The following TIAM2 variants were observed in gnomAD, a reference collection of about 807,000 sequenced individuals.
TIAM2 encodes rho guanine nucleotide exchange factor TIAM2.
In TIAM2, 80 loss-of-function variants were observed where a neutral mutation model predicts 152.9. The ratio of observed to expected loss-of-function variants is 0.52; its 90% CI spans 0.44 to 0.63. The LOEUF is 0.63. Ranked by LOEUF, TIAM2 falls within the 30% of genes least tolerant of loss-of-function variation. The pLI is 0.00. For missense variants in TIAM2, 1,965 were observed against 2,120.1 expected, an observed-to-expected ratio of 0.93 and a Z score of 1.44; for synonymous variants, 804 against 838.0, an observed-to-expected ratio of 0.96 and a Z score of 0.70.
chr6:155,056,571 A>T (rs1463443111), intron 1 of TIAM2, among the ~76,000 whole-genome samples: 1 of 151,754 alleles, frequency 6.6e-6, no homozygotes, highest in Non-Finnish European at 1.5e-5. Flanking sequence ...GTTTTTTTGC[A>T]CTCTGACCAA....
chr6:155,196,300 C>T (rs756438038), intron 14 of TIAM2, among the ~76,000 whole-genome samples: 13 of 152,094 alleles, frequency 8.5e-5, no homozygotes, highest in Non-Finnish European at 1.2e-4. Flanking sequence ...CTTTGGGGAA[C>T]GATGAGGAAT....
At chr6:155,114,214 C>T (rs919835190) in intron 2 of TIAM2, among the ~76,000 whole-genome samples, 2 of 150,702 alleles carry the variant, frequency 1.3e-5, no homozygotes, top group East Asian at 3.9e-4. Flanking sequence ...CCACCACACC[C>T]AGCTAATATT....
chr6:155,086,840 G>A (rs574588589), intron 1 of TIAM2, among the ~76,000 whole-genome samples: 1 of 152,082 alleles, frequency 6.6e-6, no homozygotes, highest in Non-Finnish European at 1.5e-5. Context: ...CGTTGTATTA[G>A]CAATTTGACG....
Position 155,183,426 on chromosome 6 carries a change from G to T in TIAM2, c.2990G>T (p.Ser997Ile). 1 of 1,614,162 alleles carries T rather than the reference G, an allele frequency of 6.2e-7. No homozygotes were observed. Among genetic ancestry groups the T allele is most frequent in the Non-Finnish European group, 8.5e-7 (1 of 1,180,026 alleles). Residue 997 changes from serine to isoleucine, a missense_variant, in exon 14 of 27, where the codon AGT (serine) becomes ATT (isoleucine). Ser to Ile is a moderately radical substitution (Grantham distance 142, BLOSUM62 -2). Transcript: ENST00000682666. ...DSDLFSRDQK[S>I]LLPPPNQSQL... ...GACCTGTTCTCCAGGGACCAGAAGA[G>T]TCTGCTGCCCCCTCCTAACCAGTCC...
At chr6:155,211,363 C>T in intron 15 of TIAM2, 56 bp downstream of exon 15, 1 of 1,456,816 alleles carries the variant, frequency 6.9e-7, no homozygotes, top group South Asian at 1.2e-5. Flanking sequence ...TGTTAGTTCC[C>T]ACCTTTACCT....
At position 155,057,541 on chromosome 6, in the gene TIAM2, C is replaced by CTTTTTTTT. The variant is rs71023613; in HGVS notation, c.-208-32732_-208-32725dup. ...TTACTCTTTTTCTTTCCATAATGTA[C>CTTTTTTTT]TTTTTTTTTTTTTTTTTTTTTTTGA... On this transcript the variant is annotated intron_variant, in intron 1 of 26. Transcript: ENST00000682666. Among the ~76,000 whole-genome samples the CTTTTTTTT allele has an allele frequency of 2.7e-4, 22 of 80,048 alleles. 3 individuals are homozygous for CTTTTTTTT. Among genetic ancestry groups the CTTTTTTTT allele is most frequent in the African/African-American group, 3.9e-4 (7 of 18,096 alleles). 52.5% of individuals were successfully genotyped at this position (80,048 alleles called of 152,430 possible). A position where few individuals can be genotyped will look rare whatever the true frequency, so the allele number is the denominator to read the frequency against.
At chr6:155,119,063 C>G (rs922443434) in intron 2 of TIAM2, among the ~76,000 whole-genome samples, 20 of 150,342 alleles carry the variant, frequency 1.3e-4, no homozygotes, top group African/African-American at 4.9e-4. Context: ...TTGACGGAGT[C>G]TTGCTCTGTT....
rs369646154 is a variant in TIAM2, at chr6:155,129,718, G to A, written c.495G>A (p.Thr165=). 1.6e-5 allele frequency: 26 copies of A among 1,613,974 alleles called. No homozygotes were observed. The highest frequency in any genetic ancestry group is 1.2e-4 in the African/African-American group (9 of 75,048). The part of the protein sequence containing the change: ...DRKSPRVLIK[T]LGKLDGCLRV... ...AGAGCCCCCGAGTGCTCATCAAAACGCTGGGGAAGCTGGATGGGTGTTTAA... is the reference window on the plus strand; with the variant it reads ...AGAGCCCCCGAGTGCTCATCAAAACACTGGGGAAGCTGGATGGGTGTTTAA... Residue 165 remains threonine, a synonymous_variant, in exon 4 of 27, where the codon ACG becomes ACA. Coordinates refer to ENST00000682666, the MANE Select transcript of TIAM2 (RefSeq NM_012454.4). This position sits in a 1 kb window ranked among gnomAD's most constrained non-coding sequence, Gnocchi z 4.8.
At chr6:155,145,758 C>T (rs1486603104) in intron 6 of TIAM2, among the ~76,000 whole-genome samples, 3 of 152,144 alleles carry the variant, frequency 2.0e-5, no homozygotes, top group African/African-American at 7.2e-5. Context: ...CAACAGTGTT[C>T]TCTAGGCTGA....
In TIAM2 at chr6:155,213,197, A is replaced by G. The variant is rs9322504; in HGVS notation, c.3168+1890A>G. ...TAGGCAGGTCCCGAATTCTTGTCCC[A>G]TGACCAGGAAGAAGGAGGTATGCGG... On this transcript the variant is annotated intron_variant, in intron 15 of 26. Transcript: ENST00000682666. The surrounding 1 kb of genome is among the most constrained non-coding windows in gnomAD (Gnocchi z 4.2). 0.21 allele frequency among the ~76,000 whole-genome samples: 31,515 copies of G among 152,088 alleles called. 3,666 individuals are homozygous for G. The highest frequency in any genetic ancestry group is 0.34 in the East Asian group (1,767 of 5,128).
chr6:155,060,779 C>T (rs1777560422), intron 1 of TIAM2, among the ~76,000 whole-genome samples: 1 of 152,166 alleles, frequency 6.6e-6, no homozygotes, highest in African/African-American at 2.4e-5. Context: ...CCTGTTACCC[C>T]AGCTACTTGG....
At chr6:155,161,763 A>G (rs1310357956) in intron 7 of TIAM2, among the ~76,000 whole-genome samples, 1 of 150,830 alleles carries the variant, frequency 6.6e-6, no homozygotes, top group African/African-American at 2.4e-5. Flanking sequence ...TTTTTAGTAG[A>G]GATGGGGTTT....
chr6:155,012,063 C>T (rs1778499075), intron 1 of TIAM2, among the ~76,000 whole-genome samples: 1 of 152,096 alleles, frequency 6.6e-6, no homozygotes, highest in Admixed American at 6.6e-5. Context: ...AAAGCTGATG[C>T]TGTACTGAAT....
chr6:155,179,498 A>T, intron 12 of TIAM2, 42 bp downstream of exon 12: 1 of 1,539,536 alleles, frequency 6.5e-7, no homozygotes, highest in Non-Finnish European at 8.7e-7. Context: ...TGTGTTGTTC[A>T]TCTTTGCCTA....
At chr6:155,163,044 G>C (rs1210563278) in intron 7 of TIAM2, among the ~76,000 whole-genome samples, 4 of 152,298 alleles carry the variant, frequency 2.6e-5, no homozygotes, top group Non-Finnish European at 5.9e-5. Context: ...TGTCTATGGG[G>C]AGAGACTGGA....
chr6:155,007,942 C>T (rs1778426473), intron 1 of TIAM2, among the ~76,000 whole-genome samples: 2 of 152,178 alleles, frequency 1.3e-5, no homozygotes, highest in South Asian at 4.1e-4. Flanking sequence ...ATTTTGATAG[C>T]TTGATAAATC....
At chr6:155,020,585 TTGAG>T (rs1478553234) in intron 1 of TIAM2, among the ~76,000 whole-genome samples, 1 of 152,050 alleles carries the variant, frequency 6.6e-6, no homozygotes, top group East Asian at 1.9e-4. Flanking sequence ...CCTCAGTCTC[TTGAG>T]TAACTGGGAT....
intron 1 of TIAM2, among the ~76,000 whole-genome samples, chr6:155,047,157 TC>T (rs1254704902): frequency 1.3e-5 from 2 of 152,114 alleles, no homozygotes; most frequent in African/African-American, 4.8e-5. Context: ...TCCCTGATTG[TC>T]CAGCACCTGA....
At chr6:155,100,307 G>A (rs1174197354) in intron 2 of TIAM2, among the ~76,000 whole-genome samples, 2 of 152,216 alleles carry the variant, frequency 1.3e-5, no homozygotes, top group Admixed American at 6.5e-5. Context: ...CTGCCAGCAC[G>A]GCGGCACTGC....
Sources: allele counts gnomAD v4.1 joint callset (sites outside exome capture counted in the v4.1 genomes callset), GRCh38; gene constraint gnomAD v4.1.1; non-coding constraint Gnocchi (gnomAD v3.1); transcripts MANE v1.5; gene names NCBI Gene and HGNC (gene_info 2026-07-23, HGNC 2026-07-21).